Variants in WDR62 observed in about 807,000 individuals in gnomAD.
The protein encoded by WDR62 is WD repeat domain 62.
In WDR62, 112 loss-of-function variants were observed where a neutral mutation model predicts 160.6. The ratio of observed to expected loss-of-function variants is 0.70; its 90% CI spans 0.60 to 0.82. The LOEUF (loss-of-function observed/expected upper bound fraction) is 0.82, where lower values mean the gene tolerates loss of function less well. Ranked by LOEUF, WDR62 falls within the 40% of genes least tolerant of loss-of-function variation. WDR62 has a pLI of 0.00. For missense variants in WDR62, 1,819 were observed against 1,983.8 expected (o/e 0.92, Z 1.58); for synonymous variants, 792 against 815.1 (o/e 0.97, Z 0.48).
intron 9 of WDR62, among the ~76,000 whole-genome samples, chr19:36,078,143 A>G (rs1971683782): frequency 6.7e-6 from 1 of 149,500 alleles, no homozygotes; most frequent in Non-Finnish European, 1.5e-5. Flanking sequence ...TGTAAGTACA[A>G]GTTTTTTTGT....
chr19:36,095,868 G>A (rs1300651142), intron 20 of WDR62, among the ~76,000 whole-genome samples: 4 of 152,210 alleles, frequency 2.6e-5, no homozygotes, highest in African/African-American at 9.6e-5. Flanking sequence ...CCTCTGCAAA[G>A]TCTCTCATCT....
intron 1 of WDR62, among the ~76,000 whole-genome samples, chr19:36,057,655 T>C (rs375983483): frequency 6.6e-6 from 1 of 152,128 alleles, no homozygotes; most frequent in African/African-American, 2.4e-5. Context: ...CCTGGGATTA[T>C]AGGCATGGGC....
intron 30 of WDR62, 78 bp downstream of exon 30, chr19:36,104,059 C>CT: frequency 6.4e-7 from 1 of 1,550,872 alleles, no homozygotes; most frequent in Admixed American, 1.7e-5. Context: ...AAGATGGATA[C>CT]TTGACCTGGC....
chr19:36,087,262 T>A (rs1224350195), intron 13 of WDR62, among the ~76,000 whole-genome samples: 1 of 151,768 alleles, frequency 6.6e-6, no homozygotes, highest in Non-Finnish European at 1.5e-5. Context: ...ATCTCAGCAC[T>A]TTGGGAGGCC....
At chr19:36,073,271 A>C in intron 8 of WDR62, 71 bp from the exon 9 acceptor site, 2 of 1,482,500 alleles carry the variant, frequency 1.3e-6, no homozygotes, top group South Asian at 2.3e-5. Context: ...AGGCATCTCC[A>C]CTGTCACTAG....
chr19:36,077,252 C>A (rs909382139), intron 9 of WDR62, among the ~76,000 whole-genome samples: 2 of 146,132 alleles, frequency 1.4e-5, no homozygotes, highest in African/African-American at 5.0e-5. Context: ...CTTTTCTCTC[C>A]TTCTTTCCTT....
Position 36,066,446 on chromosome 19 carries a change from G to A in WDR62, c.561+19G>A. 6.3e-7 allele frequency: 1 copy of A among 1,577,206 alleles called. No homozygotes were observed. On this transcript the variant is annotated intron_variant, in intron 5 of 31. Transcript: ENST00000401500. ...CTGGAAGGTAAGAGCCGACCAGCAG[G>A]CCTGTGGCAGGCAGCCAGCTGCCAC...
intron 11 of WDR62, among the ~76,000 whole-genome samples, chr19:36,084,282 T>A (rs1954301780): frequency 6.6e-6 from 1 of 152,090 alleles, no homozygotes; most frequent in South Asian, 2.1e-4. Context: ...AATGTTCTCA[T>A]CCATAGCTCC....
In WDR62 at chr19:36,067,893, C is replaced by T. The variant is rs749721827; in HGVS notation, c.765C>T (p.Phe255=). The change falls in exon 7 of 32, where the codon TTC becomes TTT. Residue 255 remains phenylalanine, a synonymous_variant. Coordinates refer to ENST00000401500, the MANE Select transcript of WDR62 (RefSeq NM_001083961.2). The part of the protein sequence containing the change: ...GILGELHNNI[F]CGVACGRGRM... ...TGGGCGAGCTGCACAACAACATCTT[C>T]TGTGGTGTGGCCTGCGGTCGGGGCC... is the stretch of plus-strand genomic sequence containing the variant. The T allele has an allele frequency of 1.2e-6, 2 of 1,614,220 alleles. No homozygotes were observed. The highest frequency in any genetic ancestry group is 2.2e-5 in the East Asian group (1 of 44,882).
chr19:36,094,411 G>A (rs1020673861), intron 20 of WDR62, among the ~76,000 whole-genome samples: 12 of 151,764 alleles, frequency 7.9e-5, no homozygotes, highest in African/African-American at 1.2e-4. Flanking sequence ...AAAATTAGCC[G>A]GGCGTGGTGG....
At position 36,094,040 on chromosome 19, in the gene WDR62, G is replaced by A. The variant is rs769197637; in HGVS notation, c.2343G>A (p.Thr781=). 181 of 1,613,796 alleles carry A rather than the reference G, an allele frequency of 1.1e-4. 1 individual carries two copies. The highest frequency in any genetic ancestry group is 1.5e-4 in the Non-Finnish European group (173 of 1,179,966). ...KKRSGHPRQD[T]YVSTPSEIHS... is the part of the protein sequence containing the mutation. ...TCATTCCTGGCTTTAGGCAGGATACGTATGTGTCCACACCTAGTGAGATTC... is the reference window on the plus strand; with the variant it reads ...TCATTCCTGGCTTTAGGCAGGATACATATGTGTCCACACCTAGTGAGATTC... The change falls in exon 20 of 32, where the codon ACG becomes ACA. Residue 781 remains threonine (T), a synonymous_variant. Coordinates refer to ENST00000401500, the MANE Select transcript of WDR62 (RefSeq NM_001083961.2).
chr19:36,062,801 G>A (rs1011934599), intron 3 of WDR62, among the ~76,000 whole-genome samples: 3 of 151,906 alleles, frequency 2.0e-5, no homozygotes, highest in African/African-American at 7.3e-5. Context: ...ACTCCCCAGA[G>A]GGCACCATTC....
Position 36,090,510 on chromosome 19 carries a change from C to T in WDR62, c.2024C>T (p.Ser675Phe). 1 of 1,614,038 alleles carries T rather than the reference C, an allele frequency of 6.2e-7. No individual in the cohort carries two copies. The highest frequency in any genetic ancestry group is 8.5e-7 in the Non-Finnish European group (1 of 1,179,976). ...CYKGSQGDEG[S>F]LLKVHVDPSG... ...AAGGGCTCCCAGGGTGACGAAGGGTCCTTGCTGAAGGTGAGGAGTTGGAGA... is the reference window on the plus strand; with the variant it reads ...AAGGGCTCCCAGGGTGACGAAGGGTTCTTGCTGAAGGTGAGGAGTTGGAGA... Residue 675 changes from serine to phenylalanine, a missense_variant, in exon 16 of 32, where the codon TCC (serine) becomes TTC (phenylalanine). Transcript: ENST00000401500.
chr19:36,065,905 C>T (rs780880195), intron 3 of WDR62, 53 bp from the exon 4 acceptor site: 3 of 1,585,350 alleles, frequency 1.9e-6, no homozygotes, highest in South Asian at 1.1e-5. Flanking sequence ...AGGATGGGGT[C>T]TGGCTGGCCA....
At chr19:36,067,171 C>A in intron 5 of WDR62, 135 bp from the exon 6 acceptor site, 1 of 1,174,498 alleles carries the variant, frequency 8.5e-7, no homozygotes, top group Non-Finnish European at 1.2e-6. Context: ...TTTCCCCATA[C>A]AGCAGCTCCC....
At chr19:36,092,556 A>T in intron 18 of WDR62, 133 bp from the exon 19 acceptor site, 2 of 1,259,566 alleles carry the variant, frequency 1.6e-6, no homozygotes, top group Non-Finnish European at 2.3e-6. Context: ...CTAAGCGGAT[A>T]GGGGTGTGTT....
chr19:36,062,721 T>C (rs1327438492), intron 3 of WDR62: 3 of 110,560 alleles, frequency 2.7e-5, no homozygotes, highest in African/African-American at 3.8e-5. Context: ...CAAAAAAAAA[T>C]GACAATCTTT....
At chr19:36,064,870 G>A (rs1311774323) in intron 3 of WDR62, among the ~76,000 whole-genome samples, 1 of 152,136 alleles carries the variant, frequency 6.6e-6, no homozygotes, top group Non-Finnish European at 1.5e-5. Flanking sequence ...GTGAGGCACC[G>A]CACCCGGCCC....
Position 36,104,893 on chromosome 19 carries a change from C to G in WDR62, c.4437C>G (p.Ala1479=), listed in dbSNP as rs187424695. The G allele has an allele frequency of 4.1e-5, 66 of 1,611,620 alleles. No individual in the cohort carries two copies. Among genetic ancestry groups the G allele is most frequent in the Non-Finnish European group, 5.3e-5 (62 of 1,179,830 alleles). The change falls in exon 32 of 32, where the codon GCC becomes GCG. Residue 1479 remains alanine, a synonymous_variant. Coordinates refer to ENST00000401500, the MANE Select transcript of WDR62 (RefSeq NM_001083961.2). ...ECLVGTSVAP[A]QALPSPGPPS... ...TGGTGGGGACTAGTGTGGCCCCAGCCCAGGCTCTGCCCAGCCCAGGACCCC... is the reference window on the plus strand; with the variant it reads ...TGGTGGGGACTAGTGTGGCCCCAGCGCAGGCTCTGCCCAGCCCAGGACCCC...
Sources: allele counts gnomAD v4.1 joint callset (sites outside exome capture counted in the v4.1 genomes callset), GRCh38; gene constraint gnomAD v4.1.1; transcripts MANE v1.5; gene names NCBI Gene and HGNC (gene_info 2026-07-23, HGNC 2026-07-21).